Variants in AMD1 observed in about 807,000 individuals in gnomAD.
AMD1 encodes S-adenosylmethionine decarboxylase proenzyme.
In AMD1, 11 loss-of-function variants were observed where a neutral mutation model predicts 40.2. The observed-to-expected ratio is 0.27, with a 90% CI of 0.17 to 0.45. The LOEUF (loss-of-function observed/expected upper bound fraction) is 0.45. AMD1 is among the 20% of genes least tolerant of loss of function. The probability of loss-of-function intolerance (pLI) is 1.00; values close to 1 mark genes in which losing one functional copy is unlikely to be tolerated. For missense variants in AMD1, 257 were observed against 410.2 expected, an observed-to-expected ratio of 0.63 and a Z score of 3.23; for synonymous variants, 121 against 130.8, an observed-to-expected ratio of 0.93 and a Z score of 0.51.
intron 2 of AMD1, among the ~76,000 whole-genome samples, chr6:110,887,860 A>G (rs530974404): frequency 6.6e-6 from 1 of 152,058 alleles, no homozygotes; most frequent in African/African-American, 2.4e-5. Context: ...TAATTTTTGT[A>G]TTTTTAGTAG....
the AMD1 span, chr6:110,848,688 A>T: frequency 5.5e-6 from 2 of 361,942 alleles, no homozygotes; most frequent in African/African-American, 4.3e-5. Context: ...TACCTGAGAC[A>T]GTTAACTGAT....
At chr6:110,832,010 A>ATT in the AMD1 span, among the ~76,000 whole-genome samples, 26 of 128,226 alleles carry the variant, frequency 2.0e-4, no homozygotes, top group Non-Finnish European at 2.6e-4. Flanking sequence ...TGCCTGGCTA[A>ATT]TTTTTTTTTT....
chr6:110,865,907 T>C, the AMD1 span, among the ~76,000 whole-genome samples: 1 of 151,540 alleles, frequency 6.6e-6, no homozygotes, highest in South Asian at 2.1e-4. Flanking sequence ...GGATTACAGG[T>C]TCCTGCCACC....
rs199791680 is a variant in AMD1 at position 110,892,837 on chromosome 6, T to A, written c.708+10T>A. ...TGGAATGAAATCGGATGTGAGTAGT[T>A]ATATATTGCTTCAATAATTATTTAA... On this transcript the variant is annotated intron_variant, in intron 7 of 8. Transcript: ENST00000368885. 76 of 1,613,622 alleles carry A rather than the reference T, an allele frequency of 4.7e-5. No individual in the cohort carries two copies. In the African/African-American group the frequency reaches 8.9e-4, roughly 19 times the overall value.
chr6:110,858,714 T>C, the AMD1 span: 4 of 813,586 alleles, frequency 4.9e-6, no homozygotes, highest in Middle Eastern at 3.3e-4. Flanking sequence ...GACGCCACCA[T>C]GAAGGCTGGC....
chr6:110,833,936 C>T, the AMD1 span, among the ~76,000 whole-genome samples: 1 of 152,122 alleles, frequency 6.6e-6, no homozygotes, highest in Non-Finnish European at 1.5e-5. Flanking sequence ...TTATAGTTAT[C>T]AGTATTTCGT....
At chr6:110,833,054 C>G in the AMD1 span, among the ~76,000 whole-genome samples, 1 of 152,194 alleles carries the variant, frequency 6.6e-6, no homozygotes. Flanking sequence ...CTCCTGGCCT[C>G]AGGTGATCCA....
chr6:110,825,368 G>A, the AMD1 span, among the ~76,000 whole-genome samples: 2 of 152,192 alleles, frequency 1.3e-5, no homozygotes, highest in East Asian at 3.9e-4. Context: ...CTATTGTATC[G>A]ATTTTGCCAT....
chr6:110,855,065 C>CTTTTTCTTT, the AMD1 span, among the ~76,000 whole-genome samples: 103 of 80,466 alleles, frequency 1.3e-3, 1 homozygote, highest in Non-Finnish European at 2.1e-3. Context: ...CTCTCTCTCT[C>CTTTTTCTTT]TTTTTTTTTT....
chr6:110,847,716 T>G, the AMD1 span, among the ~76,000 whole-genome samples: 1 of 133,114 alleles, frequency 7.5e-6, no homozygotes, highest in East Asian at 2.3e-4. Context: ...TTGTTTTTTG[T>G]TTTTTGTTTT....
the AMD1 span, among the ~76,000 whole-genome samples, chr6:110,855,492 C>G: frequency 6.6e-6 from 1 of 152,164 alleles, no homozygotes; most frequent in African/African-American, 2.4e-5. Context: ...GGCTGACCAT[C>G]TGGTGCCTTC....
the AMD1 span, among the ~76,000 whole-genome samples, chr6:110,854,262 T>A: frequency 1.3e-4 from 20 of 152,184 alleles, no homozygotes; most frequent in Non-Finnish European, 1.8e-4. Context: ...AAGACCTGTG[T>A]TGGGAAATGG....
At chr6:110,815,241 TCGCGCG>T in the AMD1 span, 43 of 1,130,404 alleles carry the variant, frequency 3.8e-5, no homozygotes, top group Admixed American at 7.2e-4. Context: ...CAGCCGCCTC[TCGCGCG>T]CGCGCGCGCG....
At chr6:110,815,731 G>A in the AMD1 span, 1 of 152,572 alleles carries the variant, frequency 6.6e-6, no homozygotes, top group South Asian at 2.0e-4. Flanking sequence ...GGAAAGAAGT[G>A]CCTTACTCTA....
At chr6:110,868,212 A>G in the AMD1 span, among the ~76,000 whole-genome samples, 22 of 151,948 alleles carry the variant, frequency 1.4e-4, no homozygotes, top group African/African-American at 4.6e-4. Context: ...CAGTGGTGCG[A>G]TCTCGGCTCA....
chr6:110,846,816 GCTGAGATCGCGCCA>G, the AMD1 span, among the ~76,000 whole-genome samples: 811 of 152,182 alleles, frequency 5.3e-3, 5 homozygotes, highest in South Asian at 0.017. Flanking sequence ...GTCACAGTGA[GCTGAGATCGCGCCA>G]CTGCACTCCA....
At chr6:110,829,701 C>T in the AMD1 span, among the ~76,000 whole-genome samples, 5 of 151,400 alleles carry the variant, frequency 3.3e-5, no homozygotes, top group African/African-American at 1.2e-4. Flanking sequence ...TAAAAATTAA[C>T]CAGGCATGGT....
chr6:110,820,082 GTTTA>G, the AMD1 span, among the ~76,000 whole-genome samples: 1 of 152,086 alleles, frequency 6.6e-6, no homozygotes, highest in Non-Finnish European at 1.5e-5. Context: ...TCCACCCCTT[GTTTA>G]TCATGTAACC....
At chr6:110,879,145 G>A (rs928942538) in intron 1 of AMD1, among the ~76,000 whole-genome samples, 4 of 152,116 alleles carry the variant, frequency 2.6e-5, no homozygotes, top group Non-Finnish European at 5.9e-5. Flanking sequence ...TGAGAGCCCA[G>A]TCTGGGCAAC....
Sources: gnomAD v4.1 joint callset for allele counts (sites outside exome capture counted in the v4.1 genomes callset) on GRCh38, gnomAD v4.1.1 for gene constraint, MANE v1.5 for transcripts, NCBI Gene and HGNC (gene_info 2026-07-23, HGNC 2026-07-21) for gene names.